Variants in KLF8 observed in about 807,000 individuals in gnomAD.
The protein encoded by KLF8 is Krueppel-like factor 8.
A neutral mutation model predicts 18.2 loss-of-function variants in KLF8; 10 were observed. That is an observed-to-expected ratio of 0.55 (90% CI 0.34 to 0.93). The LOEUF (loss-of-function observed/expected upper bound fraction) is 0.93. Among genes scored for constraint, KLF8 ranks in the 40% least tolerant of loss-of-function variants. KLF8 has a pLI of 0.02. For missense variants in KLF8, 264 were observed against 277.9 expected (o/e 0.95, Z 0.36); for synonymous variants, 109 against 97.3 (o/e 1.12, Z -0.71).
chrX:56,099,230 A>AG, the KLF8 span, among the ~76,000 whole-genome samples: 4 of 111,754 alleles, frequency 3.6e-5, no homozygotes, highest in East Asian at 1.1e-3. Flanking sequence ...TATATCTGTT[A>AG]CGGTGATCTG....
At chrX:56,033,140 A>C in the KLF8 span, among the ~76,000 whole-genome samples, 10,256 of 111,157 alleles carry the variant, frequency 0.092, 1,146 homozygotes, top group African/African-American at 0.32. Context: ...TATTCTTCCT[A>C]TCTAACTTAA....
chrX:56,026,895 A>G, the KLF8 span, among the ~76,000 whole-genome samples: 2 of 112,737 alleles, frequency 1.8e-5, no homozygotes, highest in Admixed American at 9.4e-5. Context: ...AAGATCTTCA[A>G]AAGGAGCTAC....
At chrX:56,250,051 G>C (rs1172205161) in intron 1 of KLF8, among the ~76,000 whole-genome samples, 180 bp from the exon 2 acceptor site, 3 of 111,936 alleles carry the variant, frequency 2.7e-5, no homozygotes, top group Non-Finnish European at 5.6e-5. Flanking sequence ...AATATTATTG[G>C]GGAAAAGTTA....
the KLF8 span, among the ~76,000 whole-genome samples, chrX:55,998,733 G>A: frequency 9.1e-6 from 1 of 109,846 alleles, no homozygotes; most frequent in African/African-American, 3.3e-5. Context: ...TCCCCACACT[G>A]GATATTAGTT....
chrX:56,024,654 G>T, the KLF8 span, among the ~76,000 whole-genome samples: 1 of 111,924 alleles, frequency 8.9e-6, no homozygotes, highest in Non-Finnish European at 1.9e-5. Context: ...AGCAATCTAG[G>T]GGGTATGTGA....
At chrX:56,096,245 G>A in the KLF8 span, among the ~76,000 whole-genome samples, 1 of 111,041 alleles carries the variant, frequency 9.0e-6, no homozygotes, top group East Asian at 2.8e-4. Flanking sequence ...CTGAAGAATG[G>A]GTGCATCTAG....
At chrX:56,007,148 C>G in the KLF8 span, among the ~76,000 whole-genome samples, 3 of 112,257 alleles carry the variant, frequency 2.7e-5, no homozygotes, top group East Asian at 8.4e-4. Flanking sequence ...ATCCAGTGCA[C>G]TGCTAGAGTT....
the KLF8 span, among the ~76,000 whole-genome samples, chrX:56,190,928 C>G: frequency 2.8e-4 from 31 of 110,651 alleles, no homozygotes; most frequent in Non-Finnish European, 5.9e-4. Flanking sequence ...CAAGAGCAAA[C>G]AAAACCCCAA....
chrX:56,072,000 T>G, the KLF8 span, among the ~76,000 whole-genome samples: 1 of 111,573 alleles, frequency 9.0e-6, no homozygotes, highest in South Asian at 3.8e-4. Context: ...CCTTAAGAGG[T>G]ATGAAGTTAC....
At chrX:56,211,848 G>T in the KLF8 span, among the ~76,000 whole-genome samples, 1 of 110,227 alleles carries the variant, frequency 9.1e-6, no homozygotes, top group African/African-American at 3.3e-5. Flanking sequence ...TGAGGTACAA[G>T]ACAAGGTCCC....
At chrX:56,188,052 G>C in the KLF8 span, among the ~76,000 whole-genome samples, 1 of 110,682 alleles carries the variant, frequency 9.0e-6, no homozygotes, top group South Asian at 3.9e-4. Flanking sequence ...GGAAATAAAG[G>C]GTATTCAATT....
chrX:56,251,753 A>G (rs891263784), intron 2 of KLF8, among the ~76,000 whole-genome samples: 36 of 110,607 alleles, frequency 3.3e-4, no homozygotes, highest in African/African-American at 1.1e-3. Context: ...GAGCCACCGT[A>G]CCTGGCCTTA....
chrX:56,176,361 A>C, the KLF8 span, among the ~76,000 whole-genome samples: 9 of 111,352 alleles, frequency 8.1e-5, no homozygotes, highest in African/African-American at 1.3e-4. Context: ...TTCACTTCTG[A>C]AGCTTAGTTT....
the KLF8 span, among the ~76,000 whole-genome samples, chrX:56,018,276 G>T: frequency 1.8e-5 from 2 of 110,436 alleles, no homozygotes; most frequent in Non-Finnish European, 3.8e-5. Flanking sequence ...ATAAAAGTGA[G>T]AACATGCATT....
chrX:56,184,032 G>C, the KLF8 span, among the ~76,000 whole-genome samples: 1 of 112,006 alleles, frequency 8.9e-6, no homozygotes, highest in African/African-American at 3.2e-5. Flanking sequence ...AGGACAGTGG[G>C]TGCAGTGCAC....
At chrX:55,984,010 T>G in the KLF8 span, among the ~76,000 whole-genome samples, 12 of 108,680 alleles carry the variant, frequency 1.1e-4, no homozygotes, top group Non-Finnish European at 2.1e-4. Context: ...TATATAATGA[T>G]ATATATATAT....
At chrX:56,164,824 C>T in the KLF8 span, among the ~76,000 whole-genome samples, 1 of 81,987 alleles carries the variant, frequency 1.2e-5, no homozygotes, top group Non-Finnish European at 2.3e-5. Flanking sequence ...CATATGTATA[C>T]ATGTGCCATG....
chrX:56,049,901 C>A, the KLF8 span, among the ~76,000 whole-genome samples: 2,953 of 107,577 alleles, frequency 0.027, 120 homozygotes, highest in African/African-American at 0.095. Context: ...TGGTCCTGGA[C>A]TCTTTTTGGT....
At chrX:56,091,626 A>G in the KLF8 span, among the ~76,000 whole-genome samples, 1 of 110,798 alleles carries the variant, frequency 9.0e-6, no homozygotes, top group Non-Finnish European at 1.9e-5. Context: ...CCTCCTGAGT[A>G]GCTTGGATTA....
Sources: gnomAD v4.1 joint callset for allele counts (sites outside exome capture counted in the v4.1 genomes callset) on GRCh38, gnomAD v4.1.1 for gene constraint, MANE v1.5 for transcripts, NCBI Gene and HGNC (gene_info 2026-07-23, HGNC 2026-07-21) for gene names.